ZCCHC4: variants seen among roughly 807,000 people sequenced by gnomAD.
ZCCHC4 encodes the protein rRNA N(6)-adenosine-methyltransferase ZCCHC4.
In ZCCHC4, 54 loss-of-function variants were observed where a neutral mutation model predicts 67.7. The ratio of observed to expected loss-of-function variants is 0.80; its 90% CI spans 0.64 to 1.00. The LOEUF (loss-of-function observed/expected upper bound fraction) is 1.00. Among genes scored for constraint, ZCCHC4 ranks in the 50% least tolerant of loss-of-function variants. The probability of loss-of-function intolerance (pLI) is 0.00; values close to 1 mark genes in which losing one functional copy is unlikely to be tolerated. For synonymous variants in ZCCHC4, 198 were observed against 213.5 expected, an observed-to-expected ratio of 0.93 and a Z score of 0.63; for missense variants, 609 against 617.0, an observed-to-expected ratio of 0.99 and a Z score of 0.14.
chr4:25,326,865 C>T (rs1227131937), intron 3 of ZCCHC4, among the ~76,000 whole-genome samples: 2 of 152,022 alleles, frequency 1.3e-5, no homozygotes, highest in East Asian at 3.9e-4. Context: ...TTTAATTTTT[C>T]TTGGTGATGT....
At chr4:25,348,301 G>A (rs1035402109) in intron 6 of ZCCHC4, among the ~76,000 whole-genome samples, 2 of 152,092 alleles carry the variant, frequency 1.3e-5, no homozygotes, top group Non-Finnish European at 2.9e-5. Flanking sequence ...TTGATTTCGC[G>A]GTAGAACAAA....
At chr4:25,348,505 G>A (rs1257062644) in intron 6 of ZCCHC4, among the ~76,000 whole-genome samples, 1 of 152,140 alleles carries the variant, frequency 6.6e-6, no homozygotes. Context: ...AAAAAGGATG[G>A]TGGTGACTGT....
At chr4:25,320,873 G>T (rs1718547874) in intron 3 of ZCCHC4, among the ~76,000 whole-genome samples, 1 of 152,204 alleles carries the variant, frequency 6.6e-6, no homozygotes, top group Non-Finnish European at 1.5e-5. Flanking sequence ...ATTTTGCAGT[G>T]TTCTTTTCCT....
intron 12 of ZCCHC4, among the ~76,000 whole-genome samples, chr4:25,368,421 A>G (rs1456616683): frequency 2.6e-5 from 4 of 152,226 alleles, no homozygotes; most frequent in African/African-American, 7.2e-5. Context: ...GGTGTGGTTC[A>G]GTGTTTTCAG....
chr4:25,343,054 C>T (rs989428169), intron 5 of ZCCHC4, among the ~76,000 whole-genome samples: 2 of 152,068 alleles, frequency 1.3e-5, no homozygotes, highest in Non-Finnish European at 2.9e-5. Flanking sequence ...TAAAGCAGTG[C>T]AAGAGAGAAG....
chr4:25,347,423 C>T (rs749993929), intron 6 of ZCCHC4, among the ~76,000 whole-genome samples: 40 of 152,316 alleles, frequency 2.6e-4, no homozygotes, highest in Non-Finnish European at 4.6e-4. Flanking sequence ...CAAGATTGAG[C>T]CCCACTTTAT....
chr4:25,329,465 A>G (rs919077733), intron 3 of ZCCHC4, among the ~76,000 whole-genome samples: 3 of 150,452 alleles, frequency 2.0e-5, no homozygotes, highest in Non-Finnish European at 4.4e-5. Flanking sequence ...ATTCCCATGT[A>G]AGGTGTTTTG....
In ZCCHC4 at chr4:25,361,929, T is replaced by G. The variant is rs750568506; in HGVS notation, c.1082T>G (p.Phe361Cys). 6.2e-7 allele frequency: 1 copy of G among 1,614,108 alleles called. No individual in the cohort carries two copies. Among genetic ancestry groups the G allele is most frequent in the Non-Finnish European group, 8.5e-7 (1 of 1,179,990 alleles). ...CGAAAACAGTCTCCCGTGCGTATTT[T>G]CACCAACATTCCGCCCAACAAAATA... ...TGRKQSPVRIFTNIPPNKIIL... is the reference protein window; with the variant it reads ...TGRKQSPVRICTNIPPNKIIL... Residue 361 changes from phenylalanine to cysteine, a missense_variant, in exon 9 of 13, where the codon TTC (phenylalanine) becomes TGC (cysteine). Physicochemically the swap from Phe to Cys is radical, Grantham distance 205. Transcript: ENST00000302874.
intron 3 of ZCCHC4, among the ~76,000 whole-genome samples, chr4:25,316,098 C>G (rs910247909): frequency 5.3e-5 from 8 of 152,148 alleles, no homozygotes; most frequent in African/African-American, 1.9e-4. Flanking sequence ...TTGGGTCTGG[C>G]TTATTTTACT....
At chr4:25,343,660 A>G (rs142861770) in intron 5 of ZCCHC4, among the ~76,000 whole-genome samples, 1 of 152,350 alleles carries the variant, frequency 6.6e-6, no homozygotes, top group African/African-American at 2.4e-5. Context: ...CCCAGCTAGT[A>G]AGCGAGAGAC....
intron 3 of ZCCHC4, among the ~76,000 whole-genome samples, chr4:25,324,767 T>C (rs1396333114): frequency 6.6e-6 from 1 of 152,230 alleles, no homozygotes; most frequent in Non-Finnish European, 1.5e-5. Context: ...CATTGTATTG[T>C]GATTTTAATT....
rs372122821 is a variant in ZCCHC4, at chr4:25,333,267, G to T, written c.414G>T (p.Gly138=). 1.2e-6 allele frequency: 2 copies of T among 1,614,100 alleles called. No homozygotes were observed. Among genetic ancestry groups the T allele is most frequent in the East Asian group, 4.5e-5 (2 of 44,876 alleles). ...CQQLLLPDDW[G]QHSEHQVLGN... is the part of the protein sequence containing the mutation. ...AGTTGTTGTTACCAGATGACTGGGG[G>T]CAACATAGTGAGCATCAGGTTCTGG... The change falls in exon 4 of 13, where the codon GGG becomes GGT. Residue 138 remains glycine (G), a synonymous_variant. Coordinates refer to ENST00000302874, the MANE Select transcript of ZCCHC4 (RefSeq NM_024936.3).
intron 1 of ZCCHC4, 121 bp from the exon 2 acceptor site, chr4:25,313,925 A>C (rs144180983): frequency 3.1e-6 from 2 of 655,696 alleles, no homozygotes; most frequent in African/African-American, 3.6e-5. Context: ...AGATGGATTT[A>C]ATTATGATAA....
intron 7 of ZCCHC4, among the ~76,000 whole-genome samples, chr4:25,351,310 T>C (rs1411739725): frequency 6.6e-6 from 1 of 152,200 alleles, no homozygotes; most frequent in Non-Finnish European, 1.5e-5. Flanking sequence ...TTTCAACTTT[T>C]TAGGTAACAT....
At chr4:25,345,462 G>T in intron 5 of ZCCHC4, 86 bp from the exon 6 acceptor site, 3 of 801,186 alleles carry the variant, frequency 3.7e-6, no homozygotes, top group South Asian at 1.8e-5. Flanking sequence ...TTTTTTAAAG[G>T]TGTGATTTTA....
chr4:25,331,002 G>A (rs910156884), intron 3 of ZCCHC4, among the ~76,000 whole-genome samples: 1 of 151,918 alleles, frequency 6.6e-6, no homozygotes, highest in Admixed American at 6.6e-5. Context: ...CTGGTTATTC[G>A]CCAGTACTCT....
intron 5 of ZCCHC4, among the ~76,000 whole-genome samples, chr4:25,340,136 G>A (rs1560407730): frequency 6.6e-6 from 1 of 152,192 alleles, no homozygotes; most frequent in South Asian, 2.1e-4. Flanking sequence ...CCAAAGTGCT[G>A]GGATTAAAGG....
chr4:25,351,297 T>C (rs926685489), intron 7 of ZCCHC4, among the ~76,000 whole-genome samples: 1 of 152,184 alleles, frequency 6.6e-6, no homozygotes, highest in Admixed American at 6.5e-5. Flanking sequence ...ACTCCTTTTC[T>C]ATTTTCAACT....
intron 12 of ZCCHC4, 39 bp from the exon 13 acceptor site, chr4:25,368,990 T>G (rs377317784): frequency 4.4e-6 from 7 of 1,587,808 alleles, no homozygotes; most frequent in Non-Finnish European, 6.0e-6. Flanking sequence ...TAATTCACTG[T>G]GCTCATTCTG....
Sources: allele counts gnomAD v4.1 joint callset (sites outside exome capture counted in the v4.1 genomes callset), GRCh38; gene constraint gnomAD v4.1.1; transcripts MANE v1.5; gene names NCBI Gene and HGNC (gene_info 2026-07-23, HGNC 2026-07-21).